ANK2: variants seen among roughly 807,000 people sequenced by gnomAD.
The protein encoded by ANK2 is ankyrin-2.
In ANK2, 83 loss-of-function variants were observed where a neutral mutation model predicts 360.5. That is an observed-to-expected ratio of 0.23 (90% CI 0.19 to 0.28). ANK2 has a LOEUF of 0.28. ANK2 is among the 10% of genes least tolerant of loss of function. The pLI is 1.00. For missense variants in ANK2, 4,201 were observed against 4,795.7 expected, an observed-to-expected ratio of 0.88 and a Z score of 3.66; for synonymous variants, 1,740 against 1,759.5, an observed-to-expected ratio of 0.99 and a Z score of 0.28.
intron 26 of ANK2, among the ~76,000 whole-genome samples, chr4:113,328,360 T>C (rs532782082): frequency 6.6e-6 from 1 of 152,304 alleles, no homozygotes; most frequent in African/African-American, 2.4e-5. Context: ...CACTTTTTGC[T>C]ACTTTTTCAC....
intron 2 of ANK2, among the ~76,000 whole-genome samples, chr4:112,958,438 AC>A (rs2032402841): frequency 6.6e-6 from 1 of 152,176 alleles, no homozygotes; most frequent in African/African-American, 2.4e-5. Flanking sequence ...CCAAAAAAAT[AC>A]GAAAAACAGC....
intron 2 of ANK2, among the ~76,000 whole-genome samples, chr4:113,011,046 C>T (rs533892189): frequency 2.0e-5 from 3 of 151,932 alleles, no homozygotes; most frequent in African/African-American, 4.8e-5. Flanking sequence ...GAGTCCTGGT[C>T]AGAAAAAGTT....
intron 1 of ANK2, among the ~76,000 whole-genome samples, chr4:113,097,757 A>G (rs1410455390): frequency 6.6e-6 from 1 of 151,556 alleles, no homozygotes; most frequent in East Asian, 1.9e-4. Flanking sequence ...GCTTTTACAA[A>G]GCTAACTTTG....
intron 2 of ANK2, among the ~76,000 whole-genome samples, chr4:113,177,087 G>A (rs4346652): frequency 0.47 from 72,133 of 151,982 alleles, 17,646 homozygotes; most frequent in African/African-American, 0.6. Flanking sequence ...GCAGAATATG[G>A]AATATTTAAT....
chr4:112,861,839 CAG>C (rs141841376), intron 1 of ANK2, among the ~76,000 whole-genome samples: 324 of 140,088 alleles, frequency 2.3e-3, no homozygotes, highest in Middle Eastern at 3.7e-3. Flanking sequence ...TACATAGAGA[CAG>C]AGAGAGAGAG....
At chr4:113,133,231 T>G (rs2096174940) in intron 1 of ANK2, among the ~76,000 whole-genome samples, 1 of 152,190 alleles carries the variant, frequency 6.6e-6, no homozygotes, top group South Asian at 2.1e-4. Context: ...GAAAAAAGTT[T>G]GACCTTTTAT....
At chr4:113,132,229 T>A (rs2096085574) in intron 1 of ANK2, among the ~76,000 whole-genome samples, 1 of 152,210 alleles carries the variant, frequency 6.6e-6, no homozygotes, top group South Asian at 2.1e-4. Context: ...TGCACATATG[T>A]ATATATGTGG....
intron 17 of ANK2, among the ~76,000 whole-genome samples, chr4:113,280,952 T>A (rs902648069): frequency 6.6e-6 from 1 of 152,232 alleles, no homozygotes; most frequent in African/African-American, 2.4e-5. Context: ...GTGTCCTTTT[T>A]TTCAATAGAG....
At chr4:113,306,012 C>T (rs776544340) in intron 23 of ANK2, among the ~76,000 whole-genome samples, 44 of 152,102 alleles carry the variant, frequency 2.9e-4, no homozygotes, top group Non-Finnish European at 4.7e-4. Flanking sequence ...TTGCTGTATA[C>T]ACATTAAAGT....
At chr4:112,957,295 G>A (rs2154257176) in intron 2 of ANK2, among the ~76,000 whole-genome samples, 1 of 152,114 alleles carries the variant, frequency 6.6e-6, no homozygotes, top group African/African-American at 2.4e-5. Context: ...ACCCTGAGTG[G>A]ACACAGCACA....
chr4:113,341,989 T>C, intron 33 of ANK2, 73 bp downstream of exon 33: 1 of 1,280,164 alleles, frequency 7.8e-7, no homozygotes, highest in South Asian at 1.3e-5. Flanking sequence ...ACATTTCAAA[T>C]ATCATTTAAT....
chr4:113,160,999 A>G (rs1424320809), intron 1 of ANK2, among the ~76,000 whole-genome samples: 2 of 152,212 alleles, frequency 1.3e-5, no homozygotes, highest in Non-Finnish European at 2.9e-5. Flanking sequence ...AAAGACAACT[A>G]GTAAAGAATT....
At chr4:113,366,414 T>TTTTA (rs1554584061) in intron 41 of ANK2, among the ~76,000 whole-genome samples, 2 of 147,444 alleles carry the variant, frequency 1.4e-5, no homozygotes, top group African/African-American at 5.0e-5. Flanking sequence ...TTTTTTTTTT[T>TTTTA]AACTTTACTG....
intron 41 of ANK2, 141 bp from the exon 42 acceptor site, chr4:113,367,425 A>G: frequency 1.3e-6 from 1 of 777,254 alleles, no homozygotes; most frequent in East Asian, 2.7e-5. Flanking sequence ...TGTCTTCTTC[A>G]TCTTTGTAAT....
At chr4:112,973,992 C>T (rs888757008) in intron 2 of ANK2, among the ~76,000 whole-genome samples, 1 of 152,218 alleles carries the variant, frequency 6.6e-6, no homozygotes, top group Non-Finnish European at 1.5e-5. Context: ...GTACACTGAC[C>T]TTGTCACTTG....
intron 1 of ANK2, among the ~76,000 whole-genome samples, chr4:113,065,638 C>T (rs748483117): frequency 6.6e-6 from 1 of 152,118 alleles, no homozygotes; most frequent in Non-Finnish European, 1.5e-5. Flanking sequence ...TCTGAAAGAG[C>T]AATCAAAACT....
chr4:113,236,644 C>A (rs62313213), intron 5 of ANK2, among the ~76,000 whole-genome samples: 3,401 of 152,286 alleles, frequency 0.022, 59 homozygotes, highest in Non-Finnish European at 0.031. Context: ...TTCTACCCTT[C>A]CCACTTTTCT....
chr4:112,891,597 C>T (rs1467339748), intron 1 of ANK2, among the ~76,000 whole-genome samples: 2 of 152,112 alleles, frequency 1.3e-5, no homozygotes, highest in Non-Finnish European at 2.9e-5. Context: ...AAGTTCAAAT[C>T]CTGATTCTAC....
intron 1 of ANK2, among the ~76,000 whole-genome samples, chr4:112,825,632 C>T (rs2058259553): frequency 6.6e-6 from 1 of 152,116 alleles, no homozygotes; most frequent in Non-Finnish European, 1.5e-5. Context: ...GGCTGAGGCA[C>T]CTATAACAAA....
Sources: allele counts gnomAD v4.1 joint callset (sites outside exome capture counted in the v4.1 genomes callset), GRCh38; gene constraint gnomAD v4.1.1; transcripts MANE v1.5; gene names NCBI Gene and HGNC (gene_info 2026-07-23, HGNC 2026-07-21).